The following ABLIM2 variants were observed in gnomAD, a reference collection of about 807,000 sequenced individuals.
The protein encoded by ABLIM2 is actin binding LIM protein family member 2.
Under a neutral mutation model 97.7 loss-of-function variants are expected in ABLIM2, and 53 were observed. That is an observed-to-expected ratio of 0.54 (90% CI 0.44 to 0.68). ABLIM2 has a LOEUF of 0.68. Among genes scored for constraint, ABLIM2 ranks in the 30% least tolerant of loss-of-function variants. The probability of loss-of-function intolerance (pLI) is 0.00; values close to 1 mark genes in which losing one functional copy is unlikely to be tolerated. For missense variants in ABLIM2, 835 were observed against 867.2 expected, an observed-to-expected ratio of 0.96 and a Z score of 0.47; for synonymous variants, 361 against 345.8, an observed-to-expected ratio of 1.04 and a Z score of -0.49.
chr4:8,065,892 C>A (rs1580314609), intron 6 of ABLIM2, among the ~76,000 whole-genome samples: 1 of 149,504 alleles, frequency 6.7e-6, no homozygotes, highest in African/African-American at 2.5e-5. Context: ...CCACTGTACT[C>A]CAGCCTAAGC....
intron 17 of ABLIM2, among the ~76,000 whole-genome samples, chr4:7,985,787 A>G (rs1172324608): frequency 6.6e-6 from 1 of 152,126 alleles, no homozygotes; most frequent in Non-Finnish European, 1.5e-5. Flanking sequence ...TTCATCAGCA[A>G]ACTCTGCCAT....
chr4:8,127,025 C>T lies in ABLIM2; in HGVS notation c.11-20388G>A, dbSNP rs1323046407. On this transcript the variant is annotated intron_variant, in intron 1 of 20. Transcript: ENST00000447017. This position sits in a 1 kb window ranked among gnomAD's most constrained non-coding sequence, Gnocchi z 7.3. The stretch of plus-strand genomic sequence containing the variant: ...AGGCTGCAGTAAGCCATGTTCATGC[C>T]ACTGCACTCCAGCCTGGGTGACAGA... 6.6e-6 allele frequency among the ~76,000 whole-genome samples: 1 copy of T among 151,134 alleles called. No homozygotes were observed. Among genetic ancestry groups the T allele is most frequent in the Admixed American group, 6.6e-5 (1 of 15,188 alleles).
chr4:7,983,681 TC>T, intron 18 of ABLIM2, 127 bp from the exon 19 acceptor site: 2 of 1,167,032 alleles, frequency 1.7e-6, no homozygotes, highest in Non-Finnish European at 2.5e-6. Flanking sequence ...CCATGCATGG[TC>T]CCCGAGCAGC....
At chr4:8,081,583 C>T (rs575537771) in intron 4 of ABLIM2, among the ~76,000 whole-genome samples, 16 of 152,296 alleles carry the variant, frequency 1.1e-4, no homozygotes, top group East Asian at 9.6e-4. Context: ...CGAGCCTGAG[C>T]GGGGTGCGTG....
rs550808273 is a variant in ABLIM2, at chr4:7,969,323, G to A, written c.1825-2220C>T. 1.7e-4 allele frequency among the ~76,000 whole-genome samples: 26 copies of A among 151,870 alleles called. No homozygotes were observed. The South Asian group carries it at 4.6e-3, about 27-fold the overall frequency. On this transcript the variant is annotated intron_variant, in intron 20 of 20. Transcript: ENST00000447017. The stretch of plus-strand genomic sequence containing the variant: ...ACAAAAATTAGCTGGGTGCGCTGGC[G>A]TGTACCTGTAGTCCCAGTTACTGAG...
At chr4:7,991,333 C>T (rs1460501013) in intron 17 of ABLIM2, among the ~76,000 whole-genome samples, 3 of 152,238 alleles carry the variant, frequency 2.0e-5, no homozygotes, top group African/African-American at 4.8e-5. Flanking sequence ...GCTGCTCTCT[C>T]GCTTTCCTTC....
At position 8,077,759 on chromosome 4, in the gene ABLIM2, G is replaced by A. The variant is rs41266519; in HGVS notation, c.582-38C>T. 1.1e-4 allele frequency: 166 copies of A among 1,559,286 alleles called. No individual in the cohort carries two copies. In the East Asian group the frequency reaches 1.5e-3, roughly 14 times the overall value. On this transcript the variant is annotated intron_variant, in intron 5 of 20. Transcript: ENST00000447017. ...AGGCAGTCAACACAGGGCGGGTGTC[G>A]CCCGAGGACCCTTGAGATCTAACAA...
rs923598900 is a variant in ABLIM2 at position 8,002,824 on chromosome 4, C to T, written c.1618+5235G>A. 3.9e-5 allele frequency among the ~76,000 whole-genome samples: 6 copies of T among 152,294 alleles called. No homozygotes were observed. Among genetic ancestry groups the T allele is most frequent in the Admixed American group, 1.3e-4 (2 of 15,300 alleles). ...GGCCCGGCCTCCGCCCTGGGTGATG[C>T]GGAATGCTCTCCCCCATATACCGGC... On this transcript the variant is annotated intron_variant, in intron 16 of 20. Coordinates refer to ENST00000447017, the MANE Select transcript of ABLIM2 (RefSeq NM_001130083.2). This position sits in a 1 kb window ranked among gnomAD's most constrained non-coding sequence, Gnocchi z 6.1.
At position 8,042,034 on chromosome 4, in the gene ABLIM2, C is replaced by T. The variant is rs912977665; in HGVS notation, c.900+3130G>A. Among the ~76,000 whole-genome samples, 44 of 152,348 alleles carry T rather than the reference C, an allele frequency of 2.9e-4. 2 individuals are homozygous for T. Among genetic ancestry groups the T allele is most frequent in the East Asian group, 3.9e-4 (2 of 5,190 alleles). Reference sequence around the variant, plus strand: ...AATGAGCGCTTAGCAGGCACCAAGCCGGATGCCAAGTGCTTTGCAAATGTT... The same window carrying T: ...AATGAGCGCTTAGCAGGCACCAAGCTGGATGCCAAGTGCTTTGCAAATGTT... On this transcript the variant is annotated intron_variant, in intron 9 of 20. Coordinates refer to ENST00000447017, the MANE Select transcript of ABLIM2 (RefSeq NM_001130083.2).
At chr4:8,119,798 C>T (rs1234348325) in intron 1 of ABLIM2, among the ~76,000 whole-genome samples, 1 of 152,104 alleles carries the variant, frequency 6.6e-6, no homozygotes. Context: ...TTGCTTGGAC[C>T]CTTTGTGAAG....
chr4:8,137,924 T>C (rs553077026), intron 1 of ABLIM2, among the ~76,000 whole-genome samples: 2 of 152,336 alleles, frequency 1.3e-5, no homozygotes, highest in East Asian at 3.9e-4. Context: ...CCAGGTGCCC[T>C]CCGGCAAATG....
chr4:8,031,849 G>A (rs575234536), intron 10 of ABLIM2, among the ~76,000 whole-genome samples: 169 of 151,592 alleles, frequency 1.1e-3, no homozygotes, highest in Non-Finnish European at 2.1e-3. Flanking sequence ...CTCAGCTTCC[G>A]ACTAGCTGGG....
At chr4:7,971,058 T>G (rs1727588928) in intron 20 of ABLIM2, among the ~76,000 whole-genome samples, 1 of 152,154 alleles carries the variant, frequency 6.6e-6, no homozygotes, top group African/African-American at 2.4e-5. Context: ...TGTTCATAAC[T>G]CTGGGCTCCA....
intron 11 of ABLIM2, 129 bp downstream of exon 11, chr4:8,029,527 A>G: frequency 8.2e-7 from 1 of 1,218,944 alleles, no homozygotes; most frequent in Non-Finnish European, 1.1e-6. Flanking sequence ...AATCCCACCC[A>G]TTTCCATCAT....
intron 9 of ABLIM2, among the ~76,000 whole-genome samples, chr4:8,042,685 C>T (rs1789499964): frequency 6.6e-6 from 1 of 152,024 alleles, no homozygotes; most frequent in Non-Finnish European, 1.5e-5. Flanking sequence ...ACTAAAAATA[C>T]AAACTTAGCT....
rs1324816878 is a variant in ABLIM2 at position 8,141,000 on chromosome 4, C to A, written c.10+17680G>T. The stretch of plus-strand genomic sequence containing the variant: ...CAAGGCCACTGAACCTGACCTCAGG[C>A]TCAGGTGGACCCTGCCCCTGTCTCC... On this transcript the variant is annotated intron_variant, in intron 1 of 20. Coordinates refer to ENST00000447017, the MANE Select transcript of ABLIM2 (RefSeq NM_001130083.2). This position sits in a 1 kb window ranked among gnomAD's most constrained non-coding sequence, Gnocchi z 5.9. 1.3e-5 allele frequency among the ~76,000 whole-genome samples: 2 copies of A among 152,138 alleles called. No individual in the cohort carries two copies. Among genetic ancestry groups the A allele is most frequent in the African/African-American group, 2.4e-5 (1 of 41,438 alleles).
Position 8,046,773 on chromosome 4 carries a change from A to AG in ABLIM2, c.823-1533dup, listed in dbSNP as rs1157115917. ...TGTATTTGGAGACAGGGTTTTTAAA[A>AG]GGTCACTAGGATGGGCCCTAATCTG... On this transcript the variant is annotated intron_variant, in intron 8 of 20. Transcript: ENST00000447017. The surrounding 1 kb of genome is among the most constrained non-coding windows in gnomAD (Gnocchi z 4.4). Among the ~76,000 whole-genome samples, 2 of 152,172 alleles carry AG rather than the reference A, an allele frequency of 1.3e-5. No individual in the cohort carries two copies. Among genetic ancestry groups the AG allele is most frequent in the African/African-American group, 4.8e-5 (2 of 41,450 alleles).
rs1008470272 is a variant in ABLIM2 at position 8,023,604 on chromosome 4, C to T, written c.1268-3301G>A. On this transcript the variant is annotated intron_variant, in intron 12 of 20. Coordinates refer to ENST00000447017, the MANE Select transcript of ABLIM2 (RefSeq NM_001130083.2). The surrounding 1 kb of genome is among the most constrained non-coding windows in gnomAD (Gnocchi z 5.7). ...TCCACGGTGGACTTGCTCCTTCTCT[C>T]CCCTCCCACATGGCGCTCTCGGGAA... Among the ~76,000 whole-genome samples the T allele has an allele frequency of 1.3e-5, 2 of 152,174 alleles. No individual in the cohort carries two copies. Among genetic ancestry groups the T allele is most frequent in the Non-Finnish European group, 2.9e-5 (2 of 68,040 alleles).
At chr4:8,151,944 A>G (rs1561644029) in intron 1 of ABLIM2, among the ~76,000 whole-genome samples, 1 of 152,084 alleles carries the variant, frequency 6.6e-6, no homozygotes. Context: ...GGCCCAGGCT[A>G]TCTGAGGGTG....
Sources: gnomAD v4.1 joint callset for allele counts (sites outside exome capture counted in the v4.1 genomes callset) on GRCh38, gnomAD v4.1.1 for gene constraint, Gnocchi (gnomAD v3.1) non-coding constraint, MANE v1.5 for transcripts, NCBI Gene and HGNC (gene_info 2026-07-23, HGNC 2026-07-21) for gene names.